Variants in SUSD1 observed in about 807,000 individuals in gnomAD.
The protein encoded by SUSD1 is sushi domain-containing protein 1.
In SUSD1, 65 loss-of-function variants were observed where a neutral mutation model predicts 86.9. The observed-to-expected ratio is 0.75, with a 90% CI of 0.61 to 0.92. The LOEUF is 0.92. Ranked by LOEUF, SUSD1 falls within the 40% of genes least tolerant of loss-of-function variation. The pLI, the probability that SUSD1 is intolerant of heterozygous loss-of-function variation, is 0.00. For synonymous variants in SUSD1, 346 were observed against 350.0 expected (o/e 0.99, Z 0.13); for missense variants, 850 against 929.7 (o/e 0.91, Z 1.11).
Position 112,057,151 on chromosome 9 carries a change from C to T in SUSD1, c.2109+1277G>A, listed in dbSNP as rs761596149. Among the ~76,000 whole-genome samples, 84 of 152,274 alleles carry T rather than the reference C, an allele frequency of 5.5e-4. 1 individual carries two copies. Among genetic ancestry groups the T allele is most frequent in the Admixed American group, 6.5e-4 (10 of 15,298 alleles). On this transcript the variant is annotated intron_variant, in intron 14 of 16. Transcript: ENST00000374270. ...TCCCCTCCCCACTCCATCCCCACCA[C>T]GTGAGGACACTGTAAGAAGGCAGCT...
At position 112,111,711 on chromosome 9, in the gene SUSD1, T is replaced by C; in HGVS notation, c.1114A>G (p.Ile372Val). 6.2e-7 allele frequency: 1 copy of C among 1,614,136 alleles called. No homozygotes were observed. The highest frequency in any genetic ancestry group is 8.5e-7 in the Non-Finnish European group (1 of 1,180,014). ...GAGCGCCTGGGAGGTGCTGTGGAGATGTTCACGGTGTAGTTGGTGCCTGGG... is the reference window on the plus strand; with the variant it reads ...GAGCGCCTGGGAGGTGCTGTGGAGACGTTCACGGTGTAGTTGGTGCCTGGG... The part of the protein sequence containing the change: ...LYPGTNYTVN[I>V]STAPPRRSMP... The change falls in exon 8 of 17, where the codon ATC becomes GTC. Residue 372 changes from isoleucine (I) to valine (V), a missense_variant. By Grantham distance (29) the Ile-to-Val change is conservative (BLOSUM62 3). Transcript: ENST00000374270.
chr9:112,080,336 C>A lies in SUSD1; in HGVS notation c.1475-171G>T, dbSNP rs369464770. The stretch of plus-strand genomic sequence containing the variant: ...TACCACTTTTATATCTAGGTAAACT[C>A]AGTCTTGATGAAAGATTTCAGATCC... On this transcript the variant is annotated intron_variant, in intron 10 of 16. Transcript: ENST00000374270. 3.7e-4 allele frequency among the ~76,000 whole-genome samples: 56 copies of A among 152,288 alleles called. No homozygotes were observed. In the East Asian group the frequency reaches 8.1e-3, roughly 22 times the overall value.
chr9:112,123,394 G>A (rs1370377051), intron 6 of SUSD1, among the ~76,000 whole-genome samples: 1 of 152,140 alleles, frequency 6.6e-6, no homozygotes, highest in Non-Finnish European at 1.5e-5. Flanking sequence ...AGGACACAAA[G>A]CCATTCCTGA....
chr9:112,146,114 A>G (rs1045474863), intron 3 of SUSD1: 1 of 152,196 alleles, frequency 6.6e-6, no homozygotes, highest in Admixed American at 6.5e-5. Context: ...CTGATACCCC[A>G]ACACTTGCTA....
chr9:112,041,804 C>A (rs533372469), intron 16 of SUSD1, 63 bp downstream of exon 16: 2 of 1,509,062 alleles, frequency 1.3e-6, no homozygotes, highest in Admixed American at 3.8e-5. Context: ...AGCTGTTCTT[C>A]GTGACTCTGA....
intron 5 of SUSD1, chr9:112,137,783 T>C (rs1216428724): frequency 6.6e-6 from 1 of 152,196 alleles, no homozygotes; most frequent in Non-Finnish European, 1.5e-5. Context: ...GTCTGATATG[T>C]GAAAAATTCC....
chr9:112,130,702 T>A (rs1589698354), intron 5 of SUSD1, among the ~76,000 whole-genome samples: 1 of 151,978 alleles, frequency 6.6e-6, no homozygotes, highest in East Asian at 1.9e-4. Flanking sequence ...CTACCAGATA[T>A]ACACTACCTT....
chr9:112,043,579 T>C (rs1198941528), intron 15 of SUSD1, among the ~76,000 whole-genome samples: 2 of 152,140 alleles, frequency 1.3e-5, no homozygotes, highest in Non-Finnish European at 2.9e-5. Context: ...TGGCTCTGTG[T>C]GAATTAAGCT....
At chr9:112,043,749 T>C (rs1827841459) in intron 15 of SUSD1, among the ~76,000 whole-genome samples, 1 of 152,110 alleles carries the variant, frequency 6.6e-6, no homozygotes, top group African/African-American at 2.4e-5. Flanking sequence ...AGAAGAAAAA[T>C]GGCCTTGACA....
chr9:112,084,417 A>C (rs1024659108), intron 10 of SUSD1, among the ~76,000 whole-genome samples: 3 of 152,162 alleles, frequency 2.0e-5, no homozygotes, highest in Non-Finnish European at 4.4e-5. Context: ...AAAATGAAGA[A>C]TAATATATAT....
chr9:112,156,322 C>T (rs1464801405), intron 2 of SUSD1, among the ~76,000 whole-genome samples: 7 of 151,948 alleles, frequency 4.6e-5, no homozygotes, highest in Non-Finnish European at 7.4e-5. Context: ...ATTAGCTGGG[C>T]ATGGTGGCAC....
intron 3 of SUSD1, among the ~76,000 whole-genome samples, chr9:112,148,044 G>A (rs2131781486): frequency 6.6e-6 from 1 of 152,278 alleles, no homozygotes; most frequent in East Asian, 1.9e-4. Context: ...AGGTCAAGAG[G>A]GAGGATGAAT....
chr9:112,072,779 C>T (rs1829339795), intron 12 of SUSD1, among the ~76,000 whole-genome samples: 1 of 152,186 alleles, frequency 6.6e-6, no homozygotes. Flanking sequence ...CCTCTCCTAG[C>T]GTGACCTAAT....
intron 8 of SUSD1, among the ~76,000 whole-genome samples, chr9:112,104,302 A>G (rs1186190589): frequency 1.3e-5 from 2 of 151,990 alleles, no homozygotes; most frequent in East Asian, 3.8e-4. Flanking sequence ...ACAGGCATGA[A>G]CCACCACGCC....
intron 10 of SUSD1, among the ~76,000 whole-genome samples, chr9:112,081,505 G>T (rs1056988908): frequency 2.0e-5 from 3 of 152,248 alleles, no homozygotes; most frequent in African/African-American, 7.2e-5. Flanking sequence ...CAGCTGGGTA[G>T]AGACAGGTTT....
intron 6 of SUSD1, among the ~76,000 whole-genome samples, chr9:112,119,951 G>A (rs1831484023): frequency 6.6e-6 from 1 of 152,150 alleles, no homozygotes; most frequent in Non-Finnish European, 1.5e-5. Context: ...TAAACAGGAA[G>A]ATGAACAGTG....
In SUSD1 at chr9:112,043,375, C is replaced by T. The variant is rs370215605; in HGVS notation, c.2150-1415G>A. Among the ~76,000 whole-genome samples the T allele has an allele frequency of 3.3e-5, 5 of 152,254 alleles. No individual in the cohort carries two copies. The South Asian group carries it at 1.0e-3, about 32-fold the overall frequency. ...GTTCATCTGATCTTGTGGCCCCCAACCAGAAATTGACTCAGTGCAAGAGGA... is the reference window on the plus strand; with the variant it reads ...GTTCATCTGATCTTGTGGCCCCCAATCAGAAATTGACTCAGTGCAAGAGGA... On this transcript the variant is annotated intron_variant, in intron 15 of 16. Coordinates refer to ENST00000374270, the MANE Select transcript of SUSD1 (RefSeq NM_022486.5).
intron 15 of SUSD1, among the ~76,000 whole-genome samples, chr9:112,046,807 T>C (rs1033312801): frequency 3.3e-5 from 5 of 152,346 alleles, no homozygotes; most frequent in African/African-American, 9.6e-5. Flanking sequence ...GAGCCAAAGA[T>C]GGCAAAGGAA....
At chr9:112,047,063 G>C (rs542569591) in intron 15 of SUSD1, among the ~76,000 whole-genome samples, 10 of 152,258 alleles carry the variant, frequency 6.6e-5, no homozygotes, top group Non-Finnish European at 1.0e-4. Context: ...AACTACCTGA[G>C]ACTGGGTAAT....
Sources: gnomAD v4.1 joint callset for allele counts (sites outside exome capture counted in the v4.1 genomes callset) on GRCh38, gnomAD v4.1.1 for gene constraint, MANE v1.5 for transcripts, NCBI Gene and HGNC (gene_info 2026-07-23, HGNC 2026-07-21) for gene names.